Variants in PTPN4 observed in about 807,000 individuals in gnomAD.
PTPN4 encodes the protein protein tyrosine phosphatase non-receptor type 4, also known as tyrosine-protein phosphatase non-receptor type 4.
PTPN4 carries 49 observed loss-of-function variants against 135.5 expected under a neutral mutation model. That is an observed-to-expected ratio of 0.36 (90% CI 0.29 to 0.46). The LOEUF is 0.46. Ranked by LOEUF, PTPN4 falls within the 20% of genes least tolerant of loss-of-function variation. The pLI, the probability that PTPN4 is intolerant of heterozygous loss-of-function variation, is 1.00. For missense variants in PTPN4, 860 were observed against 1,101.0 expected (o/e 0.78, Z 3.10); for synonymous variants, 333 against 369.9 (o/e 0.90, Z 1.14).
intron 18 of PTPN4, among the ~76,000 whole-genome samples, chr2:119,947,107 A>G (rs1679145139): frequency 6.6e-6 from 1 of 152,190 alleles, no homozygotes; most frequent in African/African-American, 2.4e-5. Context: ...TCTGTTCATC[A>G]TAGGACAATT....
intron 2 of PTPN4, among the ~76,000 whole-genome samples, chr2:119,812,171 T>C (rs1676896663): frequency 6.6e-6 from 1 of 152,216 alleles, no homozygotes; most frequent in African/African-American, 2.4e-5. Flanking sequence ...TCCATGTGAA[T>C]AGATCTCCAG....
chr2:119,769,680 C>A (rs913965964), intron 1 of PTPN4, among the ~76,000 whole-genome samples: 3 of 152,194 alleles, frequency 2.0e-5, no homozygotes, highest in Non-Finnish European at 4.4e-5. Context: ...AAGAAAAATA[C>A]CTTTGCGTTT....
chr2:119,761,768 CTG>C (rs756614872), intron 1 of PTPN4, among the ~76,000 whole-genome samples: 4 of 152,150 alleles, frequency 2.6e-5, no homozygotes, highest in Non-Finnish European at 5.9e-5. Flanking sequence ...TGTTGCCAGT[CTG>C]TTTTAAAAAT....
chr2:119,956,237 A>ATTTT lies in PTPN4; in HGVS notation c.1981-587_1981-584dup, dbSNP rs10627020. Among the ~76,000 whole-genome samples the ATTTT allele has an allele frequency of 9.2e-3, 925 of 100,922 alleles. 9 individuals carry two copies. The highest frequency in any genetic ancestry group is 0.013 in the East Asian group (39 of 3,070). The allele number at this position is 100,922 out of a possible 152,430, so 66.2% of individuals were successfully genotyped here. ...AATTTGTTTAAATTAATAAACCTGA[A>ATTTT]TTTTTTTTTTTTTTTTTTTTTTTGA... On this transcript the variant is annotated intron_variant, in intron 20 of 26. Transcript: ENST00000263708.
intron 15 of PTPN4, among the ~76,000 whole-genome samples, chr2:119,943,726 A>G (rs1251098798): frequency 6.6e-6 from 1 of 151,184 alleles, no homozygotes; most frequent in Non-Finnish European, 1.5e-5. Context: ...AGCTGGGACT[A>G]CAGGCGCCTG....
At chr2:119,917,887 T>C (rs141801659) in intron 11 of PTPN4, among the ~76,000 whole-genome samples, 2,182 of 152,308 alleles carry the variant, frequency 0.014, 81 homozygotes, top group Admixed American at 0.09. Context: ...TTGTGTGTTG[T>C]TTAGAAATTG....
chr2:119,973,344 C>G (rs1333379369), intron 26 of PTPN4, among the ~76,000 whole-genome samples: 2 of 152,126 alleles, frequency 1.3e-5, no homozygotes, highest in Non-Finnish European at 2.9e-5. Context: ...AATTTCCTTC[C>G]TTTCTAAGGG....
At chr2:119,873,197 T>G (rs72836860) in intron 3 of PTPN4, among the ~76,000 whole-genome samples, 7,363 of 151,986 alleles carry the variant, frequency 0.048, 261 homozygotes, top group African/African-American at 0.096. Flanking sequence ...TGTTGTTGTT[T>G]TTTTTGTAGA....
intron 26 of PTPN4, among the ~76,000 whole-genome samples, chr2:119,968,748 C>T (rs1234633988): frequency 6.6e-6 from 1 of 152,002 alleles, no homozygotes; most frequent in Non-Finnish European, 1.5e-5. Flanking sequence ...GCCGAGATTG[C>T]GCCACTGTAC....
chr2:119,809,801 C>T, intron 1 of PTPN4, 36 bp from the exon 2 acceptor site: 1 of 1,516,592 alleles, frequency 6.6e-7, no homozygotes, highest in South Asian at 1.3e-5. Context: ...ATTTTACGAA[C>T]CTTTTATTTA....
chr2:119,809,936 A>G lies in PTPN4; in HGVS notation c.83A>G (p.Glu28Gly), dbSNP rs1389626690. 3 of 1,613,760 alleles carry G rather than the reference A, an allele frequency of 1.9e-6. No homozygotes were observed. ...SELARDRQHT[E>G]VVCNILLLDN... ...TTGGCCCGAGACAGACAGCATACTG[A>G]AGTGGTTTGCAACATCCTTCTTCTG... The change falls in exon 2 of 27, where the codon GAA (glutamate) becomes GGA (glycine). Residue 28 changes from glutamate to glycine, a missense_variant. Transcript: ENST00000263708.
chr2:119,816,712 A>T (rs1326334420), intron 2 of PTPN4, among the ~76,000 whole-genome samples: 1 of 152,210 alleles, frequency 6.6e-6, no homozygotes, highest in Non-Finnish European at 1.5e-5. Context: ...GCTTATGTCC[A>T]GTCTACTCCA....
At chr2:119,841,243 A>G (rs1677376738) in intron 2 of PTPN4, among the ~76,000 whole-genome samples, 2 of 152,204 alleles carry the variant, frequency 1.3e-5, no homozygotes, top group South Asian at 4.1e-4. Flanking sequence ...AAAGTGTAAA[A>G]TACAAAGTTA....
intron 9 of PTPN4, among the ~76,000 whole-genome samples, chr2:119,895,524 C>A (rs1678308272): frequency 1.3e-5 from 2 of 152,064 alleles, no homozygotes; most frequent in South Asian, 4.1e-4. Flanking sequence ...CCTGTAATCC[C>A]AGCTACTCAG....
intron 2 of PTPN4, among the ~76,000 whole-genome samples, chr2:119,853,838 C>T (rs745875228): frequency 4.5e-4 from 68 of 152,094 alleles, no homozygotes; most frequent in Non-Finnish European, 8.5e-4. Flanking sequence ...TGATAGGGCT[C>T]TGATGACTAG....
chr2:119,784,633 C>T (rs894862531), intron 1 of PTPN4, among the ~76,000 whole-genome samples: 20 of 151,668 alleles, frequency 1.3e-4, no homozygotes, highest in Non-Finnish European at 2.6e-4. Context: ...GTGATCTGCC[C>T]GCCTTGGCCT....
At chr2:119,936,752 C>T (rs1241391456) in intron 15 of PTPN4, among the ~76,000 whole-genome samples, 1 of 152,150 alleles carries the variant, frequency 6.6e-6, no homozygotes, top group Non-Finnish European at 1.5e-5. Flanking sequence ...AGTGGAGAAG[C>T]GAGTTCAGGG....
At chr2:119,769,132 GA>G (rs1201246375) in intron 1 of PTPN4, among the ~76,000 whole-genome samples, 1 of 152,198 alleles carries the variant, frequency 6.6e-6, no homozygotes, top group Admixed American at 6.5e-5. Context: ...TACCATCACT[GA>G]AAGATTAAGG....
intron 2 of PTPN4, among the ~76,000 whole-genome samples, chr2:119,821,774 C>A (rs1411601933): frequency 6.6e-6 from 1 of 152,072 alleles, no homozygotes; most frequent in East Asian, 1.9e-4. Context: ...TTCTTTATAT[C>A]CTTCGTTTTT....
Sources: allele counts gnomAD v4.1 joint callset (sites outside exome capture counted in the v4.1 genomes callset), GRCh38; gene constraint gnomAD v4.1.1; transcripts MANE v1.5; gene names NCBI Gene and HGNC (gene_info 2026-07-23, HGNC 2026-07-21).